The following CLCN3 variants were observed in gnomAD, a reference collection of about 807,000 sequenced individuals.
CLCN3 encodes the protein Cl-/H+ antiporter 3.
Under a neutral mutation model 83.4 loss-of-function variants are expected in CLCN3, and 16 were observed. That is an observed-to-expected ratio of 0.19 (90% CI 0.13 to 0.29). The LOEUF is 0.29. Ranked by LOEUF, CLCN3 falls within the 10% of genes least tolerant of loss-of-function variation. CLCN3 has a pLI of 1.00. For missense variants in CLCN3, 544 were observed against 1,006.0 expected (o/e 0.54, Z 6.21); for synonymous variants, 322 against 346.2 (o/e 0.93, Z 0.78).
At position 169,698,475 on chromosome 4, in the gene CLCN3, G is replaced by T. The variant is rs1732654003; in HGVS notation, c.1563+741G>T. Among the ~76,000 whole-genome samples, 3 of 151,962 alleles carry T rather than the reference G, an allele frequency of 2.0e-5. No individual in the cohort carries two copies. The East Asian group carries it at 5.8e-4, about 29-fold the overall frequency. Reference sequence around the variant, plus strand: ...CTAGGGTGGTGGCCTCAGGGAATTGGATTTCTTATATTATAGCTCAGGATT... The same window carrying T: ...CTAGGGTGGTGGCCTCAGGGAATTGTATTTCTTATATTATAGCTCAGGATT... On this transcript the variant is annotated intron_variant, in intron 9 of 12. Coordinates refer to ENST00000513761, the MANE Select transcript of CLCN3 (RefSeq NM_001829.4).
chr4:169,625,973 G>C (rs1437925347), intron 1 of CLCN3, among the ~76,000 whole-genome samples: 1 of 152,146 alleles, frequency 6.6e-6, no homozygotes, highest in Non-Finnish European at 1.5e-5. Context: ...GTTCCAATAC[G>C]GTGTACCTGG....
At chr4:169,694,576 C>T (rs1426325861) in intron 7 of CLCN3, among the ~76,000 whole-genome samples, 9 of 152,212 alleles carry the variant, frequency 5.9e-5, no homozygotes, top group Non-Finnish European at 1.3e-4. Context: ...CGGTGGCTCA[C>T]GCCTATAATC....
chr4:169,718,214 C>T (rs1733498082), intron 12 of CLCN3, among the ~76,000 whole-genome samples: 1 of 151,212 alleles, frequency 6.6e-6, no homozygotes, highest in Non-Finnish European at 1.5e-5. Context: ...TCTCAGAAGA[C>T]ACCTGACTGG....
At chr4:169,621,521 T>A (rs549751786) in intron 1 of CLCN3, among the ~76,000 whole-genome samples, 1 of 152,378 alleles carries the variant, frequency 6.6e-6, no homozygotes, top group Admixed American at 6.5e-5. Flanking sequence ...TTTGTTTGTA[T>A]GGCATTTTAA....
At chr4:169,622,794 T>C (rs897725532) in intron 1 of CLCN3, among the ~76,000 whole-genome samples, 2 of 152,098 alleles carry the variant, frequency 1.3e-5, no homozygotes, top group Non-Finnish European at 2.9e-5. Context: ...TGCTGCACCA[T>C]AGTGTAGTTT....
chr4:169,681,306 C>A (rs1731928464), intron 3 of CLCN3, among the ~76,000 whole-genome samples: 1 of 152,130 alleles, frequency 6.6e-6, no homozygotes, highest in African/African-American at 2.4e-5. Context: ...CCTCAGCCTC[C>A]CAAAGTAGAA....
intron 2 of CLCN3, among the ~76,000 whole-genome samples, chr4:169,636,882 T>C (rs1730217839): frequency 6.6e-6 from 1 of 152,142 alleles, no homozygotes; most frequent in Non-Finnish European, 1.5e-5. Flanking sequence ...TATGTATATC[T>C]CAGCATTATC....
chr4:169,696,181 C>T (rs1732557621), intron 8 of CLCN3, among the ~76,000 whole-genome samples: 1 of 152,100 alleles, frequency 6.6e-6, no homozygotes, highest in Admixed American at 6.6e-5. Context: ...CCTCCGCCTC[C>T]AGGGTTCAAG....
intron 2 of CLCN3, among the ~76,000 whole-genome samples, chr4:169,675,082 C>G (rs1385629905): frequency 2.0e-5 from 3 of 152,224 alleles, no homozygotes; most frequent in Non-Finnish European, 4.4e-5. Flanking sequence ...GGGAGATAAG[C>G]AAGAACCCTG....
intron 2 of CLCN3, among the ~76,000 whole-genome samples, chr4:169,671,227 G>C (rs1731443772): frequency 6.6e-6 from 1 of 152,170 alleles, no homozygotes; most frequent in Non-Finnish European, 1.5e-5. Flanking sequence ...ACTGGATAAA[G>C]AAAATGTGGC....
chr4:169,697,414 TGTC>T lies in CLCN3; in HGVS notation c.1248_1250del (p.Arg418del), dbSNP rs756392613. The stretch of plus-strand genomic sequence containing the variant: ...TTTCATTAGGGCAAATATTGCCTGG[TGTC>T]GTCGACGCAAGTCCACGAAATTTGG... On this transcript the variant is annotated inframe_deletion, in exon 9 of 13. Transcript: ENST00000513761. 6.2e-7 allele frequency: 1 copy of T among 1,614,188 alleles called. No homozygotes were observed. The highest frequency in any genetic ancestry group is 1.3e-5 in the African/African-American group (1 of 75,038).
At chr4:169,715,494 GT>G (rs769069087) in intron 12 of CLCN3, among the ~76,000 whole-genome samples, 1 of 151,662 alleles carries the variant, frequency 6.6e-6, no homozygotes, top group Non-Finnish European at 1.5e-5. Context: ...GAAGTCGGGT[GT>G]TTTTTTTCTC....
At chr4:169,627,817 A>G (rs986080997) in intron 1 of CLCN3, among the ~76,000 whole-genome samples, 3 of 152,186 alleles carry the variant, frequency 2.0e-5, no homozygotes, top group Non-Finnish European at 4.4e-5. Context: ...TTAGATATGG[A>G]CAAGATTATT....
At chr4:169,693,550 G>A (rs1273125728) in intron 7 of CLCN3, among the ~76,000 whole-genome samples, 2 of 151,902 alleles carry the variant, frequency 1.3e-5, no homozygotes, top group African/African-American at 4.8e-5. Flanking sequence ...ATTTTTCTTT[G>A]ACTTCAAAGT....
intron 1 of CLCN3, among the ~76,000 whole-genome samples, chr4:169,621,382 T>C (rs967604855): frequency 3.3e-5 from 5 of 152,242 alleles, no homozygotes; most frequent in Admixed American, 3.3e-4. Context: ...AAAAATAATA[T>C]TCAGTTTTTC....
chr4:169,635,479 T>C (rs192505571), intron 1 of CLCN3, among the ~76,000 whole-genome samples: 1 of 152,146 alleles, frequency 6.6e-6, no homozygotes, highest in East Asian at 1.9e-4. Flanking sequence ...TAAAATTTTT[T>C]AATTGTAGTA....
intron 2 of CLCN3, among the ~76,000 whole-genome samples, chr4:169,670,967 G>A (rs1471981203): frequency 6.6e-6 from 1 of 152,142 alleles, no homozygotes; most frequent in Non-Finnish European, 1.5e-5. Context: ...GTAAGGCTGT[G>A]GAGAAATAGG....
rs762304193 is a variant in CLCN3, at chr4:169,683,744, AT to A, written c.318+3555del. Reference sequence around the variant, plus strand: ...ATACTTACTATTGTTCTTAAAATTAATTTTTTTTTTTTTTTTTTAAGCAGAG... The same window carrying A: ...ATACTTACTATTGTTCTTAAAATTAATTTTTTTTTTTTTTTTTAAGCAGAG... On this transcript the variant is annotated intron_variant, in intron 3 of 12. Transcript: ENST00000513761. Among the ~76,000 whole-genome samples, 888 of 141,122 alleles carry A rather than the reference AT, an allele frequency of 6.3e-3. 2 individuals carry two copies. Among genetic ancestry groups the A allele is most frequent in the East Asian group, 0.016 (77 of 4,912 alleles). 92.6% of individuals were successfully genotyped at this position (141,122 alleles called of 152,430 possible). A position where few individuals can be genotyped will look rare whatever the true frequency, so the allele number is the denominator to read the frequency against.
intron 2 of CLCN3, among the ~76,000 whole-genome samples, chr4:169,656,509 G>A (rs1420536255): frequency 2.0e-5 from 3 of 152,090 alleles, no homozygotes; most frequent in South Asian, 2.1e-4. Flanking sequence ...TCCAGGCCCC[G>A]CCTCCAACAT....
Sources: gnomAD v4.1 joint callset for allele counts (sites outside exome capture counted in the v4.1 genomes callset) on GRCh38, gnomAD v4.1.1 for gene constraint, MANE v1.5 for transcripts, NCBI Gene and HGNC (gene_info 2026-07-23, HGNC 2026-07-21) for gene names.